Variants in SH2D4A observed in about 807,000 individuals in gnomAD.
The protein encoded by SH2D4A is SH2 domain containing 4A, also known as SH2 domain-containing protein 4A.
Under a neutral mutation model 64.7 loss-of-function variants are expected in SH2D4A, and 70 were observed. The observed-to-expected ratio is 1.08, with a 90% CI of 0.89 to 1.32. SH2D4A has a LOEUF of 1.32. SH2D4A is among the 40% of genes most tolerant of loss of function. SH2D4A has a pLI of 0.00. For missense variants in SH2D4A, 706 were observed against 540.1 expected, an observed-to-expected ratio of 1.31 and a Z score of -3.04; for synonymous variants, 268 against 200.7, an observed-to-expected ratio of 1.34 and a Z score of -2.83.
chr8:19,375,862 A>G (rs1431946271), intron 8 of SH2D4A, among the ~76,000 whole-genome samples: 3 of 152,286 alleles, frequency 2.0e-5, no homozygotes, highest in South Asian at 2.1e-4. Flanking sequence ...ATAAATTTAT[A>G]CAATTGTAAA....
At chr8:19,350,279 A>G (rs1296016169) in intron 4 of SH2D4A, among the ~76,000 whole-genome samples, 3 of 152,120 alleles carry the variant, frequency 2.0e-5, no homozygotes, top group African/African-American at 7.2e-5. Flanking sequence ...TGCCCAAGCA[A>G]CCTGCACCAG....
intron 1 of SH2D4A, among the ~76,000 whole-genome samples, 173 bp from the exon 2 acceptor site, chr8:19,319,171 A>T (rs566698121): frequency 5.3e-4 from 80 of 151,878 alleles, no homozygotes; most frequent in Non-Finnish European, 1.1e-3. Context: ...AAATTACAGG[A>T]TAGAGGTTAT....
chr8:19,379,789 C>T (rs914944678), intron 8 of SH2D4A, among the ~76,000 whole-genome samples: 10 of 151,990 alleles, frequency 6.6e-5, no homozygotes, highest in African/African-American at 1.7e-4. Context: ...TAGGCTGGAG[C>T]GCAGTGGCAC....
intron 4 of SH2D4A, among the ~76,000 whole-genome samples, chr8:19,356,910 CCCAGGGCCCT>C: frequency 6.6e-6 from 1 of 152,278 alleles, no homozygotes; most frequent in Non-Finnish European, 1.5e-5. Context: ...GGAAGTTATC[CCCAGGGCCCT>C]CCAGGGCCAA....
chr8:19,325,991 C>A (rs145099935), intron 2 of SH2D4A, among the ~76,000 whole-genome samples: 1 of 152,178 alleles, frequency 6.6e-6, no homozygotes, highest in Non-Finnish European at 1.5e-5. Flanking sequence ...TCCCTGCTTG[C>A]CCAGTGGGGT....
chr8:19,319,874 C>A, intron 2 of SH2D4A, 146 bp downstream of exon 2: 1 of 712,506 alleles, frequency 1.4e-6, no homozygotes, highest in Non-Finnish European at 2.2e-6. Context: ...TCTAATAGTG[C>A]AGTATGTCCA....
chr8:19,370,425 A>G (rs2053075328), intron 7 of SH2D4A, among the ~76,000 whole-genome samples: 1 of 152,022 alleles, frequency 6.6e-6, no homozygotes, highest in Admixed American at 6.6e-5. Flanking sequence ...TTCCATGTTA[A>G]TTGAGTACAT....
intron 4 of SH2D4A, among the ~76,000 whole-genome samples, chr8:19,341,281 G>T (rs763553116): frequency 2.0e-5 from 3 of 152,062 alleles, no homozygotes; most frequent in South Asian, 4.1e-4. Flanking sequence ...CTGAATTTCC[G>T]CTACAGTTTA....
At chr8:19,392,898 C>G (rs150749721) in intron 8 of SH2D4A, among the ~76,000 whole-genome samples, 1 of 151,948 alleles carries the variant, frequency 6.6e-6, no homozygotes, top group East Asian at 1.9e-4. Flanking sequence ...CTCGCCAAAA[C>G]GCCCGGCTAA....
chr8:19,379,456 G>A (rs187776102), intron 8 of SH2D4A, among the ~76,000 whole-genome samples: 28 of 152,286 alleles, frequency 1.8e-4, no homozygotes, highest in African/African-American at 6.7e-4. Context: ...TTCAGGTATT[G>A]TGAATAGTGC....
chr8:19,353,911 T>C (rs975624200), intron 4 of SH2D4A, among the ~76,000 whole-genome samples: 2 of 152,048 alleles, frequency 1.3e-5, no homozygotes, highest in African/African-American at 4.8e-5. Context: ...TGAATAGCTT[T>C]AGAGTTTACA....
At chr8:19,386,967 A>T (rs1375635041) in intron 8 of SH2D4A, among the ~76,000 whole-genome samples, 1 of 151,766 alleles carries the variant, frequency 6.6e-6, no homozygotes, top group African/African-American at 2.4e-5. Context: ...TGTTCTTTGT[A>T]GAGATGGGGT....
intron 4 of SH2D4A, among the ~76,000 whole-genome samples, chr8:19,338,034 C>G (rs1203567892): frequency 6.6e-6 from 1 of 152,220 alleles, no homozygotes; most frequent in African/African-American, 2.4e-5. Flanking sequence ...ATTTCTGACT[C>G]TAGTCTCCAG....
chr8:19,328,410 G>C lies in SH2D4A; in HGVS notation c.182-4545G>C, dbSNP rs534144991. 1.1e-4 allele frequency among the ~76,000 whole-genome samples: 16 copies of C among 151,730 alleles called. No individual in the cohort carries two copies. In the East Asian group the frequency reaches 2.9e-3, roughly 28 times the overall value. ...AATGAATTTTCTTGTCACTACTTCT[G>C]CCTGTCCGCTGCTGTGTTCCCAGTT... On this transcript the variant is annotated intron_variant, in intron 2 of 9. Coordinates refer to ENST00000265807, the MANE Select transcript of SH2D4A (RefSeq NM_022071.4).
chr8:19,389,881 C>T (rs925619786), intron 8 of SH2D4A, among the ~76,000 whole-genome samples: 2 of 152,114 alleles, frequency 1.3e-5, no homozygotes, highest in Non-Finnish European at 2.9e-5. Flanking sequence ...CTTAAAAAAA[C>T]AAATAAAAAT....
At chr8:19,386,457 C>A (rs1477773507) in intron 8 of SH2D4A, among the ~76,000 whole-genome samples, 4 of 152,154 alleles carry the variant, frequency 2.6e-5, no homozygotes, top group African/African-American at 9.7e-5. Context: ...GCTCCAGGCT[C>A]TTACTTGGGT....
intron 8 of SH2D4A, among the ~76,000 whole-genome samples, chr8:19,391,460 G>C (rs544271632): frequency 6.6e-6 from 1 of 152,152 alleles, no homozygotes; most frequent in Non-Finnish European, 1.5e-5. Flanking sequence ...TGCATCAGTC[G>C]TCTGCTGGGA....
chr8:19,393,774 C>G (rs193292324), intron 9 of SH2D4A, among the ~76,000 whole-genome samples: 6 of 152,072 alleles, frequency 3.9e-5, no homozygotes, highest in African/African-American at 1.4e-4. Flanking sequence ...GCAGAGAATA[C>G]GGGAAATGCT....
intron 8 of SH2D4A, among the ~76,000 whole-genome samples, chr8:19,374,547 A>G (rs2053162025): frequency 6.6e-6 from 1 of 152,346 alleles, no homozygotes; most frequent in Middle Eastern, 3.4e-3. Flanking sequence ...ACCCACAAAA[A>G]GGAAACTCCC....
Sources: gnomAD v4.1 joint callset for allele counts (sites outside exome capture counted in the v4.1 genomes callset) on GRCh38, gnomAD v4.1.1 for gene constraint, MANE v1.5 for transcripts, NCBI Gene and HGNC (gene_info 2026-07-23, HGNC 2026-07-21) for gene names.